CRY2: variants seen among roughly 807,000 people sequenced by gnomAD.
The protein encoded by CRY2 is cryptochrome circadian regulator 2.
In CRY2, 31 loss-of-function variants were observed where a neutral mutation model predicts 69.5. That is an observed-to-expected ratio of 0.45 (90% confidence interval 0.34 to 0.60). The LOEUF (loss-of-function observed/expected upper bound fraction) is 0.60. Among genes scored for constraint, CRY2 ranks in the 20% least tolerant of loss-of-function variants. The probability of loss-of-function intolerance (pLI) is 0.02; values close to 1 mark genes in which losing one functional copy is unlikely to be tolerated. For synonymous variants in CRY2, 303 were observed against 312.2 expected, an observed-to-expected ratio of 0.97 and a Z score of 0.31; for missense variants, 606 against 797.8, an observed-to-expected ratio of 0.76 and a Z score of 2.90.
chr11:45,871,986 A>G, intron 10 of CRY2, 106 bp from the exon 11 acceptor site: 3 of 1,457,062 alleles, frequency 2.1e-6, no homozygotes. Context: ...CTGGCATTCC[A>G]TTGATAAGTG....
At chr11:45,848,924 A>T (rs902997680) in intron 1 of CRY2, among the ~76,000 whole-genome samples, 1 of 152,132 alleles carries the variant, frequency 6.6e-6, no homozygotes, top group African/African-American at 2.4e-5. Context: ...CACAGTTTTC[A>T]GGCTGCCTTA....
chr11:45,869,955 C>T (rs2086363644), intron 7 of CRY2, 98 bp from the exon 8 acceptor site: 18 of 1,515,780 alleles, frequency 1.2e-5, no homozygotes, highest in Middle Eastern at 2.4e-4. Flanking sequence ...GGCTTGCCTT[C>T]AATGGAAGGG....
chr11:45,847,321 G>A (rs556126262), upstream of CRY2: 54 of 1,582,630 alleles, frequency 3.4e-5, no homozygotes, highest in African/African-American at 6.9e-4. Flanking sequence ...GGCGCCTCTG[G>A]GCCAATCGCC....
chr11:45,865,422 A>G (rs1390425348), intron 5 of CRY2, among the ~76,000 whole-genome samples: 1 of 152,204 alleles, frequency 6.6e-6, no homozygotes, highest in African/African-American at 2.4e-5. Flanking sequence ...TCTGTATCCA[A>G]GTTTCATTTA....
chr11:45,858,812 G>T lies in CRY2; in HGVS notation c.406G>T (p.Ala136Ser), dbSNP rs1565057945. The change falls in exon 3 of 12, where the codon GCC (alanine) becomes TCC (serine). Residue 136 changes from alanine (A) to serine (S), a missense_variant. Around this residue, in one of 5 missense-constraint regions of CRY2, gnomAD observed 382 missense variants for 508.9 expected, o/e 0.75. Transcript: ENST00000616080. ...KERDAAIMKM[A>S]KEAGVEVVTE... The stretch of plus-strand genomic sequence containing the variant: ...ACGGGATGCAGCCATCATGAAGATG[G>T]CCAAGGAGGCTGGTGTGGAAGTAGT... 1 of 1,614,082 alleles carries T rather than the reference G, an allele frequency of 6.2e-7. No homozygotes were observed. Among genetic ancestry groups the T allele is most frequent in the Non-Finnish European group, 8.5e-7 (1 of 1,180,038 alleles).
At position 45,870,783 on chromosome 11, in the gene CRY2, C is replaced by T. The variant is rs933433599; in HGVS notation, c.1550-59C>T. 9.6e-6 allele frequency: 14 copies of T among 1,455,164 alleles called. No homozygotes were observed. The Admixed American group carries it at 1.9e-4, about 20-fold the overall frequency. 90.1% of individuals were successfully genotyped at this position (1,455,164 alleles called of 1,614,324 possible). ...CCACCCCCACTTGCTTCATCCTGCC[C>T]TGTAGCCCTCTGCAATCCTGCGAGA... On this transcript the variant is annotated intron_variant, in intron 9 of 11. Transcript: ENST00000616080.
intron 1 of CRY2, among the ~76,000 whole-genome samples, chr11:45,853,687 G>GCC (rs1422855703): frequency 6.6e-6 from 1 of 152,210 alleles, no homozygotes; most frequent in Non-Finnish European, 1.5e-5. Flanking sequence ...ACTGCTCCTA[G>GCC]CCCTAGGCAT....
At position 45,850,008 on chromosome 11, in the gene CRY2, G is replaced by GT. The variant is rs68150323; in HGVS notation, c.215+2318dup. On this transcript the variant is annotated intron_variant, in intron 1 of 11. Coordinates refer to ENST00000616080, the MANE Select transcript of CRY2 (RefSeq NM_021117.5). Reference sequence around the variant, plus strand: ...GATTTTTTGTTTTGTTTTGTTTTTTGTTTTTTTTTTTTTTTGAGACGGGGT... The same window carrying GT: ...GATTTTTTGTTTTGTTTTGTTTTTTGTTTTTTTTTTTTTTTTGAGACGGGGT... 7.3e-3 allele frequency among the ~76,000 whole-genome samples: 1,038 copies of GT among 142,936 alleles called. 10 individuals carry two copies. The highest frequency in any genetic ancestry group is 0.016 in the African/African-American group (608 of 37,370). 93.8% of individuals were successfully genotyped at this position (142,936 alleles called of 152,430 possible).
At chr11:45,879,846 T>C (rs2086454559) in intron 11 of CRY2, among the ~76,000 whole-genome samples, 1 of 152,234 alleles carries the variant, frequency 6.6e-6, no homozygotes, top group African/African-American at 2.4e-5. Flanking sequence ...CAGGGTTGGC[T>C]TCTTTTCTTC....
At chr11:45,850,001 GTT>G (rs1411076842) in intron 1 of CRY2, among the ~76,000 whole-genome samples, 9 of 93,648 alleles carry the variant, frequency 9.6e-5, no homozygotes, top group South Asian at 4.1e-4. Context: ...GTTTTGTTTT[GTT>G]TTTTGTTTTT....
intron 11 of CRY2, among the ~76,000 whole-genome samples, chr11:45,880,206 C>T (rs1020275394): frequency 6.6e-6 from 1 of 152,178 alleles, no homozygotes; most frequent in African/African-American, 2.4e-5. Flanking sequence ...TTTAATGGGA[C>T]GCTGTGTGTC....
intron 2 of CRY2, among the ~76,000 whole-genome samples, chr11:45,858,014 TG>T (rs1565057665): frequency 6.6e-6 from 1 of 152,232 alleles, no homozygotes; most frequent in Non-Finnish European, 1.5e-5. Flanking sequence ...GCAAGTTGCA[TG>T]CTCTAGGGCT....
At chr11:45,860,816 G>C (rs748040109) in intron 3 of CRY2, 32 bp from the exon 4 acceptor site, 4 of 1,608,274 alleles carry the variant, frequency 2.5e-6, no homozygotes, top group Non-Finnish European at 3.4e-6. Flanking sequence ...AGGGCCATGT[G>C]GGTAACACTA....
At position 45,882,813 on chromosome 11, in the gene CRY2, C is replaced by T. The variant is rs1478373308; in HGVS notation, c.*1902C>T. 1.5e-5 allele frequency: 6 copies of T among 398,192 alleles called. No homozygotes were observed. The highest frequency in any genetic ancestry group is 6.2e-4 in the Middle Eastern group (1 of 1,610). The allele number at this position is 398,192 out of a possible 1,614,324, so 24.7% of individuals were successfully genotyped here. A position where few individuals can be genotyped will look rare whatever the true frequency, so the allele number is the denominator to read the frequency against. On this transcript the variant is annotated 3_prime_UTR_variant, in exon 12 of 12. Transcript: ENST00000616080. ...GCCCAGATTTAGTATTCACTAGCAG[C>T]GCCTTCGGGTAGCAGGATGATTCCT...
chr11:45,882,946 C>T lies in CRY2; in HGVS notation c.*2035C>T, dbSNP rs764696601. On this transcript the variant is annotated 3_prime_UTR_variant, in exon 12 of 12. Transcript: ENST00000616080. ...GCATGTCAGCCCGTTCCCAGATCAACCTGCCAGTGGAGTCAGGCAGTGCAC... is the reference window on the plus strand; with the variant it reads ...GCATGTCAGCCCGTTCCCAGATCAATCTGCCAGTGGAGTCAGGCAGTGCAC... The T allele has an allele frequency of 4.2e-5, 16 of 380,166 alleles. No individual in the cohort carries two copies. Among genetic ancestry groups the T allele is most frequent in the Non-Finnish European group, 6.5e-5 (14 of 214,820 alleles). The allele number at this position is 380,166 out of a possible 1,614,324, so 23.5% of individuals were successfully genotyped here. A position where few individuals can be genotyped will look rare whatever the true frequency, so the allele number is the denominator to read the frequency against.
chr11:45,858,121 C>T (rs1441718745), intron 2 of CRY2, among the ~76,000 whole-genome samples: 1 of 152,220 alleles, frequency 6.6e-6, no homozygotes, highest in African/African-American at 2.4e-5. Context: ...GAAAGAACTT[C>T]CTCCTTTTCA....
At chr11:45,848,438 C>T (rs1473635503) in intron 1 of CRY2, among the ~76,000 whole-genome samples, 1 of 152,102 alleles carries the variant, frequency 6.6e-6, no homozygotes. Context: ...AAGTGTCACC[C>T]CGTCATCCTC....
Position 45,870,443 on chromosome 11 carries a change from G to T in CRY2, c.1460G>T (p.Arg487Leu). Residue 487 changes from arginine to leucine, a missense_variant, in exon 9 of 12, where the codon CGG (arginine) becomes CTG (leucine). By Grantham distance (102) the Arg-to-Leu change is moderately radical (BLOSUM62 -2). This residue lies in a region of CRY2 where 173 missense variants were observed against 213.7 expected (regional missense o/e 0.81). Transcript: ENST00000616080. ...AKCIIGVDYP[R>L]PIVNHAETSR... is the part of the protein sequence containing the mutation. ...TGCATCATTGGTGTGGACTACCCAC[G>T]GCCCATCGTCAACCATGCCGAGACC... The T allele has an allele frequency of 6.2e-7, 1 of 1,614,180 alleles. No homozygotes were observed. Among genetic ancestry groups the T allele is most frequent in the African/African-American group, 1.3e-5 (1 of 75,032 alleles).
At chr11:45,867,042 A>C (rs2086336971) in intron 5 of CRY2, among the ~76,000 whole-genome samples, 1 of 152,224 alleles carries the variant, frequency 6.6e-6, no homozygotes, top group African/African-American at 2.4e-5. Context: ...GCCAGCAACC[A>C]GTGATGATAA....
Sources: allele counts gnomAD v4.1 joint callset (sites outside exome capture counted in the v4.1 genomes callset), GRCh38; gene constraint gnomAD v4.1.1; regional missense constraint gnomAD v4.1.1; transcripts MANE v1.5; gene names NCBI Gene and HGNC (gene_info 2026-07-23, HGNC 2026-07-21).